The following CCDC30 variants were observed in gnomAD, a reference collection of about 807,000 sequenced individuals.
CCDC30 encodes the protein coiled-coil domain containing 30.
Under a neutral mutation model 100.2 loss-of-function variants are expected in CCDC30, and 70 were observed. The observed-to-expected ratio is 0.70, with a 90% CI of 0.58 to 0.85. The LOEUF (loss-of-function observed/expected upper bound fraction) is 0.85. CCDC30 is among the 40% of genes least tolerant of loss of function. The pLI is 0.00. For missense variants in CCDC30, 652 were observed against 771.2 expected, an observed-to-expected ratio of 0.85 and a Z score of 1.83; for synonymous variants, 233 against 269.5, an observed-to-expected ratio of 0.86 and a Z score of 1.33.
intron 10 of CCDC30, chr1:42,594,961 A>G (rs899049378): frequency 1.3e-5 from 2 of 151,422 alleles, no homozygotes; most frequent in Non-Finnish European, 1.5e-5. Context: ...CTTCAAACCT[A>G]TGAAGTGTTG....
intron 12 of CCDC30, among the ~76,000 whole-genome samples, chr1:42,639,158 A>G (rs1647229145): frequency 1.3e-5 from 2 of 152,308 alleles, no homozygotes; most frequent in Non-Finnish European, 1.5e-5. Context: ...TGCAGATACA[A>G]TTAGTTAAGT....
chr1:42,536,536 G>C (rs762743856), intron 6 of CCDC30: 1 of 1,613,552 alleles, frequency 6.2e-7, no homozygotes, highest in East Asian at 2.2e-5. Context: ...AAAAGAGAGA[G>C]AGAGAGAGAA....
At chr1:42,470,212 C>T (rs758479960) in intron 1 of CCDC30, among the ~76,000 whole-genome samples, 1 of 151,940 alleles carries the variant, frequency 6.6e-6, no homozygotes, top group Non-Finnish European at 1.5e-5. Context: ...ATGTAATGGT[C>T]CAGAGATTGG....
chr1:42,649,549 G>C (rs1307008576), intron 15 of CCDC30, among the ~76,000 whole-genome samples: 1 of 152,160 alleles, frequency 6.6e-6, no homozygotes, highest in South Asian at 2.1e-4. Context: ...ACAAGACAAG[G>C]ATGCCCACGC....
At chr1:42,618,688 C>A (rs1646773349) in intron 11 of CCDC30, among the ~76,000 whole-genome samples, 1 of 152,150 alleles carries the variant, frequency 6.6e-6, no homozygotes, top group Non-Finnish European at 1.5e-5. Context: ...AAAGTACATG[C>A]CTATATTATG....
intron 10 of CCDC30, among the ~76,000 whole-genome samples, chr1:42,598,026 G>T (rs1425421473): frequency 2.0e-5 from 3 of 151,202 alleles, no homozygotes; most frequent in Admixed American, 2.0e-4. Context: ...CCTTAGCCAG[G>T]TGTGGTGGAG....
intron 1 of CCDC30, among the ~76,000 whole-genome samples, chr1:42,476,914 G>A (rs1208304052): frequency 6.8e-6 from 1 of 147,280 alleles, no homozygotes; most frequent in Non-Finnish European, 1.5e-5. Flanking sequence ...TTTTGCCTAG[G>A]TGTAGAGAAA....
chr1:42,571,122 CTT>C (rs1230247523), intron 7 of CCDC30: 1 of 152,206 alleles, frequency 6.6e-6, no homozygotes, highest in East Asian at 1.9e-4. Flanking sequence ...AGTGTTGACT[CTT>C]TGATCACAGG....
chr1:42,606,321 G>A (rs12026824), intron 10 of CCDC30, among the ~76,000 whole-genome samples: 30,509 of 151,994 alleles, frequency 0.2, 3,381 homozygotes, highest in South Asian at 0.42. Flanking sequence ...CTCTGTTGCC[G>A]AGCTGGAGTG....
intron 11 of CCDC30, among the ~76,000 whole-genome samples, chr1:42,620,319 G>C (rs1390872311): frequency 6.6e-6 from 1 of 152,088 alleles, no homozygotes; most frequent in African/African-American, 2.4e-5. Flanking sequence ...AATAATATCT[G>C]CAACAAACTC....
chr1:42,587,962 TGAG>T (rs1435095929), intron 9 of CCDC30, among the ~76,000 whole-genome samples: 1 of 152,144 alleles, frequency 6.6e-6, no homozygotes, highest in East Asian at 1.9e-4. Context: ...GTGCCGCAGT[TGAG>T]GAGAATGGGA....
intron 15 of CCDC30, among the ~76,000 whole-genome samples, chr1:42,649,022 C>T (rs1343575299): frequency 2.6e-5 from 4 of 151,866 alleles, no homozygotes; most frequent in South Asian, 2.1e-4. Flanking sequence ...CTTCAACAAA[C>T]GAATAATGAA....
intron 5 of CCDC30, among the ~76,000 whole-genome samples, chr1:42,497,833 A>C (rs954860656): frequency 3.9e-5 from 6 of 152,230 alleles, no homozygotes; most frequent in Non-Finnish European, 8.8e-5. Flanking sequence ...ATTGCTGGTG[A>C]GAATCTAAAG....
At chr1:42,461,257 A>G (rs1188677240), upstream of CCDC30, among the ~76,000 whole-genome samples, 1 of 152,252 alleles carries the variant, frequency 6.6e-6, no homozygotes, top group African/African-American at 2.4e-5. Flanking sequence ...GAAATACTTC[A>G]TTAATCAGGA....
At chr1:42,589,259 T>G in intron 9 of CCDC30, 62 bp from the exon 14 acceptor site, 1 of 1,397,096 alleles carries the variant, frequency 7.2e-7, no homozygotes, top group Non-Finnish European at 9.7e-7. Flanking sequence ...GCCATAAAAA[T>G]TTTAGGTCTG....
intron 10 of CCDC30, among the ~76,000 whole-genome samples, chr1:42,600,808 G>GCTCTCT (rs150834412): frequency 7.5e-5 from 11 of 146,878 alleles, no homozygotes; most frequent in African/African-American, 2.5e-4. Context: ...TTCCCCCTGT[G>GCTCTCT]CTCTCTCTCT....
chr1:42,522,153 G>A (rs574207365), intron 6 of CCDC30, among the ~76,000 whole-genome samples: 1 of 151,870 alleles, frequency 6.6e-6, no homozygotes, highest in Non-Finnish European at 1.5e-5. Context: ...TAGTTGTTAT[G>A]CTGTATCATT....
intron 10 of CCDC30, among the ~76,000 whole-genome samples, chr1:42,608,295 A>T (rs1480215089): frequency 6.6e-6 from 1 of 152,214 alleles, no homozygotes; most frequent in Non-Finnish European, 1.5e-5. Context: ...GAAGGATTGC[A>T]CTGTTGAAGA....
intron 11 of CCDC30, among the ~76,000 whole-genome samples, chr1:42,626,263 T>A (rs1365796764): frequency 6.6e-6 from 1 of 152,144 alleles, no homozygotes; most frequent in Non-Finnish European, 1.5e-5. Flanking sequence ...TAAAATGTCC[T>A]TTTTGTAGGA....
Sources: allele counts gnomAD v4.1 joint callset (sites outside exome capture counted in the v4.1 genomes callset), GRCh38; gene constraint gnomAD v4.1.1; transcripts MANE v1.5; gene names NCBI Gene and HGNC (gene_info 2026-07-23, HGNC 2026-07-21).